The following PTPRN2 variants were observed in gnomAD, a reference collection of about 807,000 sequenced individuals.
PTPRN2 encodes receptor-type tyrosine-protein phosphatase N2.
In PTPRN2, 74 loss-of-function variants were observed where a neutral mutation model predicts 118.8. The observed-to-expected ratio is 0.62, with a 90% CI of 0.52 to 0.76. PTPRN2 has a LOEUF of 0.76. Among genes scored for constraint, PTPRN2 ranks in the 30% least tolerant of loss-of-function variants. PTPRN2 has a pLI of 0.00. For synonymous variants in PTPRN2, 641 were observed against 608.0 expected (o/e 1.05, Z -0.80); for missense variants, 1,481 against 1,394.4 (o/e 1.06, Z -0.99).
intron 11 of PTPRN2, among the ~76,000 whole-genome samples, chr7:158,026,912 T>C (rs981623898): frequency 6.6e-6 from 1 of 152,262 alleles, no homozygotes; most frequent in East Asian, 1.9e-4. Flanking sequence ...CACTCGGCTC[T>C]GGGCACTGTG....
chr7:158,115,925 C>T (rs1320923552), intron 9 of PTPRN2, among the ~76,000 whole-genome samples: 1 of 152,232 alleles, frequency 6.6e-6, no homozygotes, highest in Admixed American at 6.5e-5. Context: ...ACACTCCACC[C>T]TGTGCCACCC....
chr7:158,500,747 G>T (rs190548078), intron 1 of PTPRN2, among the ~76,000 whole-genome samples: 118 of 152,370 alleles, frequency 7.7e-4, no homozygotes, highest in Non-Finnish European at 1.5e-4. Flanking sequence ...CGTGACCAGG[G>T]CTGTTAAACG....
chr7:158,070,269 G>T (rs1011298120), intron 11 of PTPRN2, among the ~76,000 whole-genome samples: 12 of 143,814 alleles, frequency 8.3e-5, no homozygotes, highest in Non-Finnish European at 1.6e-4. Flanking sequence ...GGTGATGGAG[G>T]TGCTCATGGT....
chr7:157,818,108 C>G (rs1239597581), intron 12 of PTPRN2, among the ~76,000 whole-genome samples: 1 of 147,570 alleles, frequency 6.8e-6, no homozygotes, highest in East Asian at 2.0e-4. Context: ...GTTGTGTGTA[C>G]AGTGTGGGTG....
At chr7:157,769,157 G>A (rs146157528) in intron 12 of PTPRN2, among the ~76,000 whole-genome samples, 6 of 152,250 alleles carry the variant, frequency 3.9e-5, no homozygotes, top group Non-Finnish European at 7.4e-5. Flanking sequence ...AGTGTCCACC[G>A]AGGGCAGCGG....
intron 12 of PTPRN2, among the ~76,000 whole-genome samples, chr7:157,759,006 A>AAGTT (rs1167966638): frequency 6.6e-6 from 1 of 152,236 alleles, no homozygotes; most frequent in Non-Finnish European, 1.5e-5. Context: ...CATACTTTCC[A>AAGTT]AGTTACACAA....
intron 4 of PTPRN2, among the ~76,000 whole-genome samples, chr7:158,194,514 C>T (rs1459290487): frequency 1.3e-5 from 2 of 152,208 alleles, no homozygotes; most frequent in South Asian, 2.1e-4. Flanking sequence ...ACTTCAGGTC[C>T]GACTTGTGCT....
At chr7:158,147,980 A>T (rs71544535) in intron 6 of PTPRN2, among the ~76,000 whole-genome samples, 8 of 11,808 alleles carry the variant, frequency 6.8e-4, no homozygotes, top group East Asian at 2.3e-3. Flanking sequence ...TTCCCCCTCA[A>T]TGACACACCA....
intron 2 of PTPRN2, among the ~76,000 whole-genome samples, chr7:158,450,057 G>T (rs985313677): frequency 6.6e-6 from 1 of 152,166 alleles, no homozygotes; most frequent in African/African-American, 2.4e-5. Flanking sequence ...TCTGGTGATG[G>T]CCTCCGCCTG....
intron 12 of PTPRN2, among the ~76,000 whole-genome samples, chr7:157,734,797 C>T (rs187161061): frequency 7.9e-5 from 12 of 152,216 alleles, no homozygotes; most frequent in African/African-American, 7.2e-5. Flanking sequence ...CAGTCCCACC[C>T]GTGTCATGGA....
At position 157,656,435 on chromosome 7, in the gene PTPRN2, G is replaced by C; in HGVS notation, c.2118C>G (p.Ser706=). The change falls in exon 14 of 23, where the codon TCC becomes TCG. Residue 706 remains serine, a synonymous_variant. Coordinates refer to ENST00000389418, the MANE Select transcript of PTPRN2 (RefSeq NM_002847.5). ...ACCAGGATGAGGCGCTGCTGCGTGC[G>C]GAGGGGCTGGGGATCGGCCCGTCGC... ...QFSDGPIPSP[S]ARSSASSWSE... 6.4e-7 allele frequency: 1 copy of C among 1,554,212 alleles called. No individual in the cohort carries two copies. The highest frequency in any genetic ancestry group is 8.7e-7 in the Non-Finnish European group (1 of 1,149,258).
intron 13 of PTPRN2, among the ~76,000 whole-genome samples, chr7:157,681,955 C>A (rs1796933459): frequency 6.6e-6 from 1 of 152,216 alleles, no homozygotes; most frequent in Admixed American, 6.5e-5. Context: ...GGAATATCTT[C>A]TCGGAATTAA....
chr7:157,766,848 A>G (rs1342038448), intron 12 of PTPRN2, among the ~76,000 whole-genome samples: 2 of 152,020 alleles, frequency 1.3e-5, no homozygotes, highest in African/African-American at 2.4e-5. Context: ...TGGGGCCTTC[A>G]CCCTCTACTT....
Position 157,710,094 on chromosome 7 carries a change from C to T in PTPRN2, c.1789-27157G>A, listed in dbSNP as rs571821853. Among the ~76,000 whole-genome samples the T allele has an allele frequency of 6.4e-4, 97 of 152,232 alleles. 1 individual carries two copies. Among genetic ancestry groups the T allele is most frequent in the Non-Finnish European group, 1.1e-3 (76 of 68,014 alleles). ...AGGGTGCTCGCCTGAGACACAGGGT[C>T]GGCCGTGAGGACACAGTTTCAGGAA... On this transcript the variant is annotated intron_variant, in intron 12 of 22. Coordinates refer to ENST00000389418, the MANE Select transcript of PTPRN2 (RefSeq NM_002847.5).
intron 11 of PTPRN2, among the ~76,000 whole-genome samples, chr7:157,923,183 C>A (rs961994032): frequency 6.6e-6 from 1 of 152,212 alleles, no homozygotes; most frequent in South Asian, 2.1e-4. Context: ...GACGCCGTTC[C>A]ACTGGGCCTT....
intron 14 of PTPRN2, 70 bp from the exon 15 acceptor site, chr7:157,621,579 A>G: frequency 6.3e-7 from 1 of 1,584,972 alleles, no homozygotes; most frequent in South Asian, 1.1e-5. Flanking sequence ...CACAAAAGGC[A>G]GCGGAGGCCT....
intron 2 of PTPRN2, among the ~76,000 whole-genome samples, chr7:158,351,617 A>C (rs1807941786): frequency 1.3e-5 from 2 of 152,136 alleles, no homozygotes. Flanking sequence ...TGACCTTATT[A>C]ACGCCTCATC....
chr7:157,563,641 C>A (rs1799330245), intron 21 of PTPRN2, among the ~76,000 whole-genome samples: 1 of 148,994 alleles, frequency 6.7e-6, no homozygotes, highest in African/African-American at 2.5e-5. Flanking sequence ...CATCACCACA[C>A]ACCACAGATC....
chr7:157,936,994 C>T (rs550403128), intron 11 of PTPRN2, among the ~76,000 whole-genome samples: 59 of 152,276 alleles, frequency 3.9e-4, no homozygotes, highest in South Asian at 2.1e-4. Flanking sequence ...TATTTTTTCT[C>T]TTGTAGAATG....
Sources: allele counts gnomAD v4.1 joint callset (sites outside exome capture counted in the v4.1 genomes callset), GRCh38; gene constraint gnomAD v4.1.1; transcripts MANE v1.5; gene names NCBI Gene and HGNC (gene_info 2026-07-23, HGNC 2026-07-21).